TNIP3: variants seen among roughly 807,000 people sequenced by gnomAD.
The protein encoded by TNIP3 is TNFAIP3 interacting protein 3.
A neutral mutation model predicts 54.1 loss-of-function variants in TNIP3; 34 were observed. The observed-to-expected ratio is 0.63, with a 90% CI of 0.48 to 0.84. The LOEUF is 0.84. Ranked by LOEUF, TNIP3 falls within the 40% of genes least tolerant of loss-of-function variation. TNIP3 has a pLI of 0.00. For missense variants in TNIP3, 366 were observed against 387.6 expected (o/e 0.94, Z 0.47); for synonymous variants, 134 against 136.8 (o/e 0.98, Z 0.14).
chr4:121,217,005 TA>T (rs1282814295), upstream of TNIP3, among the ~76,000 whole-genome samples: 1 of 152,062 alleles, frequency 6.6e-6, no homozygotes, highest in Non-Finnish European at 1.5e-5. Flanking sequence ...AGGGAAGTGG[TA>T]ATGGACAATG....
intron 4 of TNIP3, among the ~76,000 whole-genome samples, chr4:121,155,852 G>C (rs1730052707): frequency 6.6e-6 from 1 of 152,110 alleles, no homozygotes; most frequent in Non-Finnish European, 1.5e-5. Flanking sequence ...TTAAATTTAA[G>C]AAATCCGCTT....
chr4:121,210,985 T>C (rs937674579), intron 2 of TNIP3, among the ~76,000 whole-genome samples: 17 of 152,202 alleles, frequency 1.1e-4, no homozygotes, highest in African/African-American at 4.1e-4. Flanking sequence ...TAAATATTAT[T>C]TTGCATTTTA....
intron 2 of TNIP3, among the ~76,000 whole-genome samples, chr4:121,189,261 A>G (rs1480857779): frequency 6.6e-6 from 1 of 152,134 alleles, no homozygotes; most frequent in Admixed American, 6.5e-5. Context: ...CCAAGGTCAC[A>G]TTTTCTGCTT....
chr4:121,194,766 A>G (rs982186904), intron 2 of TNIP3, among the ~76,000 whole-genome samples: 12 of 152,156 alleles, frequency 7.9e-5, no homozygotes, highest in African/African-American at 2.7e-4. Flanking sequence ...TCTCATAATA[A>G]ACAAATAGGC....
intron 3 of TNIP3, among the ~76,000 whole-genome samples, chr4:121,170,488 A>G (rs1479347987): frequency 6.6e-6 from 1 of 151,990 alleles, no homozygotes; most frequent in East Asian, 1.9e-4. Flanking sequence ...GTTTCCGTGT[A>G]TTTTCTTTTT....
intron 2 of TNIP3, among the ~76,000 whole-genome samples, chr4:121,195,003 A>G (rs767607654): frequency 8.5e-5 from 13 of 152,114 alleles, no homozygotes; most frequent in Non-Finnish European, 1.6e-4. Flanking sequence ...CCCTATCTCT[A>G]CTAAAATTAC....
At chr4:121,192,183 C>G (rs371833377) in intron 2 of TNIP3, among the ~76,000 whole-genome samples, 114 of 152,178 alleles carry the variant, frequency 7.5e-4, no homozygotes, top group Non-Finnish European at 1.2e-3. Flanking sequence ...AAAGAGATGC[C>G]GAGCCAAGTC....
At chr4:121,146,566 T>C (rs1270616845) in intron 7 of TNIP3, among the ~76,000 whole-genome samples, 2 of 152,326 alleles carry the variant, frequency 1.3e-5, no homozygotes, top group Non-Finnish European at 2.9e-5. Flanking sequence ...GACCATTATC[T>C]GGCTTCCTTC....
intron 2 of TNIP3, among the ~76,000 whole-genome samples, chr4:121,183,609 C>T (rs1378723311): frequency 6.6e-6 from 1 of 152,206 alleles, no homozygotes; most frequent in Admixed American, 6.5e-5. Flanking sequence ...ACAGCCCCTC[C>T]CCATGGCTCA....
chr4:121,215,101 C>A (rs1019351130), intron 2 of TNIP3, among the ~76,000 whole-genome samples: 4 of 152,170 alleles, frequency 2.6e-5, no homozygotes, highest in African/African-American at 9.7e-5. Context: ...AAATTCAGAT[C>A]TTTTCCCTTT....
rs114253348 is a variant in TNIP3, at chr4:121,183,013, G to A, written c.69-217C>T. On this transcript the variant is annotated intron_variant, in intron 2 of 12. Coordinates refer to the TNIP3 transcript ENST00000507879. ...AATTTTCACTTACAAAGGAAGATAC[G>A]GACAAGTTTAGGAATTTTCAGTCTG... is the stretch of plus-strand genomic sequence containing the variant. Among the ~76,000 whole-genome samples the A allele has an allele frequency of 9.5e-3, 1,449 of 152,236 alleles. 23 individuals carry two copies. The highest frequency in any genetic ancestry group is 0.032 in the African/African-American group (1,343 of 41,520).
intron 5 of TNIP3, among the ~76,000 whole-genome samples, chr4:121,151,593 A>T (rs1034084237): frequency 1.3e-5 from 2 of 149,058 alleles, no homozygotes; most frequent in Non-Finnish European, 3.0e-5. Context: ...GAATAGTTCA[A>T]TTTTTTTTTT....
chr4:121,216,667 C>A, upstream of TNIP3: 1 of 1,411,322 alleles, frequency 7.1e-7, no homozygotes, highest in South Asian at 1.5e-5. Context: ...AGAAGACAGA[C>A]CACAAGCCTG....
rs374793173 is a variant in TNIP3 at position 121,163,557 on chromosome 4, C to A, written c.66+503G>T. Among the ~76,000 whole-genome samples the A allele has an allele frequency of 7.9e-5, 12 of 152,270 alleles. No individual in the cohort carries two copies. The South Asian group carries it at 2.5e-3, about 32-fold the overall frequency. On this transcript the variant is annotated intron_variant, in intron 1 of 10. Transcript: ENST00000057513. ...AATGTATATTCAAGGTCTGATGCTA[C>A]TAAATTAAAAACTTAAATGAATAGA...
chr4:121,146,917 G>T, intron 7 of TNIP3, 132 bp downstream of exon 7: 1 of 890,894 alleles, frequency 1.1e-6, no homozygotes, highest in Non-Finnish European at 1.6e-6. Context: ...GTTTAAGAAT[G>T]ACTTCATCCC....
intron 2 of TNIP3, among the ~76,000 whole-genome samples, chr4:121,193,169 G>A (rs1725389945): frequency 1.3e-5 from 2 of 152,100 alleles, no homozygotes; most frequent in African/African-American, 4.8e-5. Flanking sequence ...TATACAAAAA[G>A]ATTGGGACAC....
intron 3 of TNIP3, among the ~76,000 whole-genome samples, chr4:121,170,471 C>T (rs1731005144): frequency 6.6e-6 from 1 of 152,156 alleles, no homozygotes; most frequent in Non-Finnish European, 1.5e-5. Flanking sequence ...GTTTAAAGAG[C>T]TGGCCTGTTT....
chr4:121,196,844 G>A (rs892225081), intron 2 of TNIP3, among the ~76,000 whole-genome samples: 20 of 151,258 alleles, frequency 1.3e-4, no homozygotes, highest in African/African-American at 1.9e-4. Flanking sequence ...ATTTATATAC[G>A]TATTTTTAAA....
intron 2 of TNIP3, chr4:121,216,321 T>C: frequency 1.8e-6 from 2 of 1,088,718 alleles, no homozygotes; most frequent in Non-Finnish European, 2.6e-6. Context: ...GCTTCTCTTC[T>C]ACTCTTAATA....
Sources: allele counts gnomAD v4.1 joint callset (sites outside exome capture counted in the v4.1 genomes callset), GRCh38; gene constraint gnomAD v4.1.1; transcripts MANE v1.5; gene names NCBI Gene and HGNC (gene_info 2026-07-23, HGNC 2026-07-21).